Variants in ANK2 observed in about 807,000 individuals in gnomAD.
ANK2 encodes ankyrin 2, also known as ankyrin-2.
Under a neutral mutation model 360.5 loss-of-function variants are expected in ANK2, and 83 were observed. That is an observed-to-expected ratio of 0.23 (90% CI 0.19 to 0.28). ANK2 has a LOEUF of 0.28. Among genes scored for constraint, ANK2 ranks in the 10% least tolerant of loss-of-function variants. The pLI, the probability that ANK2 is intolerant of heterozygous loss-of-function variation, is 1.00. For missense variants in ANK2, 4,201 were observed against 4,795.7 expected, an observed-to-expected ratio of 0.88 and a Z score of 3.66; for synonymous variants, 1,740 against 1,759.5, an observed-to-expected ratio of 0.99 and a Z score of 0.28.
At chr4:112,712,085 T>C in the ANK2 span, among the ~76,000 whole-genome samples, 3 of 149,154 alleles carry the variant, frequency 2.0e-5, no homozygotes, top group African/African-American at 7.3e-5. Flanking sequence ...TTTTTATTTA[T>C]TTATTTATTT....
At chr4:112,717,858 A>G in the ANK2 span, among the ~76,000 whole-genome samples, 3 of 152,210 alleles carry the variant, frequency 2.0e-5, no homozygotes, top group African/African-American at 7.2e-5. Context: ...TAGACTTCTA[A>G]TTGGATAAGA....
chr4:112,707,982 T>C, the ANK2 span, among the ~76,000 whole-genome samples: 6 of 152,186 alleles, frequency 3.9e-5, no homozygotes, highest in African/African-American at 1.4e-4. Flanking sequence ...GTTTTAGTGA[T>C]TGGTGCATTA....
chr4:113,367,524 T>G, intron 41 of ANK2, 42 bp from the exon 42 acceptor site: 2 of 1,584,676 alleles, frequency 1.3e-6, no homozygotes, highest in Non-Finnish European at 1.7e-6. Context: ...CCATTCAATA[T>G]AGGTAAGCTT....
At chr4:113,259,503 CT>C (rs1286269176) in intron 13 of ANK2, among the ~76,000 whole-genome samples, 1 of 151,962 alleles carries the variant, frequency 6.6e-6, no homozygotes, top group Non-Finnish European at 1.5e-5. Flanking sequence ...TTTCTGATGG[CT>C]AGGAAAATCC....
At chr4:113,046,982 C>T (rs2064682788), upstream of ANK2, among the ~76,000 whole-genome samples, 1 of 152,162 alleles carries the variant, frequency 6.6e-6, no homozygotes, top group African/African-American at 2.4e-5. Flanking sequence ...AATTGGGCTA[C>T]CAAACACATT....
chr4:112,901,188 G>C lies in ANK2; in HGVS notation c.-39-3267G>C, dbSNP rs76416209. ...TTTTGTAGGGAGTCATTTTTTTGGG[G>C]TATTAGAGTGACCACTTTTAGCCCC... On this transcript the variant is annotated intron_variant, in intron 1 of 30. Coordinates refer to the ANK2 transcript ENST00000503271. Among the ~76,000 whole-genome samples, 160 of 152,126 alleles carry C rather than the reference G, an allele frequency of 1.1e-3. 1 individual carries two copies. The highest frequency in any genetic ancestry group is 3.7e-3 in the African/African-American group (155 of 41,490).
the ANK2 span, among the ~76,000 whole-genome samples, chr4:112,709,690 G>A: frequency 5.3e-5 from 8 of 152,252 alleles, no homozygotes; most frequent in Middle Eastern, 3.4e-3. Context: ...CGGAGGTTGC[G>A]GTGAGCTGAG....
chr4:112,941,816 T>C (rs77493274), intron 2 of ANK2, among the ~76,000 whole-genome samples: 1,809 of 150,358 alleles, frequency 0.012, 42 homozygotes, highest in African/African-American at 0.041. Context: ...TTTTTTAATG[T>C]ATGCATGGGG....
chr4:113,180,417 T>C (rs908625780), intron 2 of ANK2, among the ~76,000 whole-genome samples: 8 of 152,210 alleles, frequency 5.3e-5, no homozygotes, highest in African/African-American at 1.9e-4. Flanking sequence ...AAATGATGCT[T>C]ATTATAATAA....
chr4:113,039,543 T>TC (rs1159977763), intron 2 of ANK2, among the ~76,000 whole-genome samples: 2 of 150,980 alleles, frequency 1.3e-5, no homozygotes. Context: ...ATTTTTTTTT[T>TC]CTCACTCTCA....
chr4:113,120,203 T>C (rs2095257931), intron 1 of ANK2, among the ~76,000 whole-genome samples: 1 of 152,138 alleles, frequency 6.6e-6, no homozygotes, highest in African/African-American at 2.4e-5. Context: ...TTTAAACAAA[T>C]AGGCAAAGAT....
chr4:112,787,295 T>G, the ANK2 span, among the ~76,000 whole-genome samples: 13 of 152,250 alleles, frequency 8.5e-5, no homozygotes, highest in South Asian at 4.1e-4. Flanking sequence ...GACCTCAAAC[T>G]GTTTCAAAAT....
In ANK2 at chr4:113,354,265, C is replaced by A. The variant is rs1204413915; in HGVS notation, c.5647C>A (p.Pro1883Thr). The A allele has an allele frequency of 6.2e-7, 1 of 1,614,108 alleles. No individual in the cohort carries two copies. The highest frequency in any genetic ancestry group is 1.3e-5 in the African/African-American group (1 of 75,024). Residue 1883 changes from proline (P) to threonine (T), a missense_variant, in exon 38 of 46, where the codon CCC becomes ACC. Pro to Thr is a conservative substitution (Grantham distance 38, BLOSUM62 -1). Around this residue, in one of 4 missense-constraint regions of ANK2, gnomAD observed 2,642 missense variants for 2,714.5 expected, o/e 0.97. Coordinates refer to ENST00000357077, the MANE Select transcript of ANK2 (RefSeq NM_001148.6). ...AACTGAGAAACACTCACCTGTATCA[C>A]CCTCGACAAAAACTGAAAGGCACTC... ...SKTEKHSPVS[P>T]STKTERHSPV...
At chr4:113,198,759 A>T (rs1431316989) in intron 3 of ANK2, among the ~76,000 whole-genome samples, 1 of 152,160 alleles carries the variant, frequency 6.6e-6, no homozygotes, top group South Asian at 2.1e-4. Context: ...TTTTTGATTC[A>T]TTGAAAATAC....
chr4:113,164,176 A>G (rs1395057824), intron 1 of ANK2, among the ~76,000 whole-genome samples: 1 of 152,122 alleles, frequency 6.6e-6, no homozygotes, highest in Non-Finnish European at 1.5e-5. Flanking sequence ...AAGGCGGGAG[A>G]TATTTAGGCA....
At chr4:112,873,891 T>C (rs1216246435) in intron 1 of ANK2, among the ~76,000 whole-genome samples, 1 of 152,006 alleles carries the variant, frequency 6.6e-6, no homozygotes, top group Non-Finnish European at 1.5e-5. Flanking sequence ...GAATATACTG[T>C]GTATGATTTC....
At chr4:112,735,299 C>T in the ANK2 span, among the ~76,000 whole-genome samples, 1 of 151,456 alleles carries the variant, frequency 6.6e-6, no homozygotes, top group Non-Finnish European at 1.5e-5. Context: ...CCACTGCACT[C>T]CAGGCTGGGT....
intron 26 of ANK2, among the ~76,000 whole-genome samples, chr4:113,326,953 A>G (rs76652330): frequency 0.032 from 4,848 of 152,246 alleles, 114 homozygotes; most frequent in Non-Finnish European, 0.043. Context: ...ACGGTGTGCT[A>G]TGATAGCACC....
At chr4:113,019,093 A>G (rs2057397134) in intron 2 of ANK2, among the ~76,000 whole-genome samples, 1 of 152,226 alleles carries the variant, frequency 6.6e-6, no homozygotes, top group Non-Finnish European at 1.5e-5. Context: ...GTACATACTT[A>G]CATGTAAAGA....
Sources: gnomAD v4.1 joint callset for allele counts (sites outside exome capture counted in the v4.1 genomes callset) on GRCh38, gnomAD v4.1.1 for gene constraint, gnomAD v4.1.1 regional missense constraint, MANE v1.5 for transcripts, NCBI Gene and HGNC (gene_info 2026-07-23, HGNC 2026-07-21) for gene names.